Variants in ATP6V0E1 observed in about 807,000 individuals in gnomAD.
The protein encoded by ATP6V0E1 is V-type proton ATPase subunit e 1.
Under a neutral mutation model 11.6 loss-of-function variants are expected in ATP6V0E1, and 4 were observed. The ratio of observed to expected loss-of-function variants is 0.35; its 90% CI spans 0.17 to 0.79. ATP6V0E1 has a LOEUF of 0.79. ATP6V0E1 is among the 30% of genes least tolerant of loss of function. ATP6V0E1 has a pLI of 0.54. For synonymous variants in ATP6V0E1, 36 were observed against 34.8 expected (o/e 1.04, Z -0.13); for missense variants, 105 against 100.0 (o/e 1.05, Z -0.21).
intron 2 of ATP6V0E1, among the ~76,000 whole-genome samples, chr5:173,004,342 C>G (rs1395884288): frequency 1.3e-5 from 2 of 152,114 alleles, no homozygotes; most frequent in Non-Finnish European, 1.5e-5. Context: ...GTTACTAACC[C>G]CAGTCGCCAA....
chr5:172,983,975 G>A lies in ATP6V0E1; in HGVS notation c.104+11G>A. 6.2e-7 allele frequency: 1 copy of A among 1,611,428 alleles called. No individual in the cohort carries two copies. The highest frequency in any genetic ancestry group is 8.5e-7 in the Non-Finnish European group (1 of 1,179,000). On this transcript the variant is annotated intron_variant, in intron 1 of 3. Coordinates refer to ENST00000519374, the MANE Select transcript of ATP6V0E1 (RefSeq NM_003945.4). Reference sequence around the variant, plus strand: ...GGGTCCTAACCGGGGGTAAGTGCGTGAGGCCCGCCTTGGGAGGAACGGGCG... The same window carrying A: ...GGGTCCTAACCGGGGGTAAGTGCGTAAGGCCCGCCTTGGGAGGAACGGGCG...
At position 173,001,902 on chromosome 5, in the gene ATP6V0E1, G is replaced by A. The variant is rs180757021; in HGVS notation, c.152+7080G>A. 9.9e-5 allele frequency among the ~76,000 whole-genome samples: 15 copies of A among 152,192 alleles called. No individual in the cohort carries two copies. The East Asian group carries it at 2.9e-3, about 29-fold the overall frequency. ...CCTGGCTTATTTTGTGTTTTTAGTA[G>A]GGATGAGGTTTCTCCATGTTGGTCA... On this transcript the variant is annotated intron_variant, in intron 2 of 3. Transcript: ENST00000519374.
intron 2 of ATP6V0E1, among the ~76,000 whole-genome samples, chr5:173,009,164 T>C (rs949960511): frequency 3.9e-5 from 6 of 151,928 alleles, no homozygotes; most frequent in African/African-American, 1.4e-4. Context: ...AAGCAGAGGT[T>C]ATGGTGAGCC....
intron 1 of ATP6V0E1, among the ~76,000 whole-genome samples, chr5:172,984,277 C>T (rs559722222): frequency 3.9e-5 from 6 of 152,212 alleles, no homozygotes; most frequent in Non-Finnish European, 7.3e-5. Context: ...CTGGGAGAAA[C>T]TGGGGTTTGT....
At chr5:173,018,075 G>A (rs749325744) in intron 2 of ATP6V0E1, among the ~76,000 whole-genome samples, 12 of 152,008 alleles carry the variant, frequency 7.9e-5, no homozygotes, top group African/African-American at 2.4e-4. Flanking sequence ...TAGAGGTTCC[G>A]ATCCCCTGCA....
At chr5:172,999,631 T>G (rs1012711846) in intron 2 of ATP6V0E1, among the ~76,000 whole-genome samples, 2 of 152,238 alleles carry the variant, frequency 1.3e-5, no homozygotes, top group Non-Finnish European at 2.9e-5. Flanking sequence ...CCAGTCATAT[T>G]TCCACTTTCA....
intron 2 of ATP6V0E1, among the ~76,000 whole-genome samples, chr5:173,013,986 G>C (rs772360048): frequency 3.3e-5 from 5 of 151,954 alleles, no homozygotes; most frequent in Non-Finnish European, 5.9e-5. Context: ...CAACATGGTG[G>C]AACCCCATCT....
At chr5:172,990,436 C>T (rs1034226222) in intron 1 of ATP6V0E1, among the ~76,000 whole-genome samples, 8 of 152,110 alleles carry the variant, frequency 5.3e-5, no homozygotes, top group Non-Finnish European at 1.0e-4. Context: ...AAGGAAAGAG[C>T]GCAGAGATGA....
At chr5:173,029,444 C>T (rs540858124) in intron 3 of ATP6V0E1, among the ~76,000 whole-genome samples, 14 of 152,234 alleles carry the variant, frequency 9.2e-5, no homozygotes, top group South Asian at 2.1e-4. Flanking sequence ...TTGTGTCCGC[C>T]TTTCCTTTCC....
chr5:173,027,040 G>C (rs183646618), intron 3 of ATP6V0E1, among the ~76,000 whole-genome samples: 1 of 150,846 alleles, frequency 6.6e-6, no homozygotes, highest in South Asian at 2.1e-4. Flanking sequence ...TTAGCTGGGC[G>C]TGGTGGCAGA....
chr5:173,004,004 T>A (rs1756193421), intron 2 of ATP6V0E1, among the ~76,000 whole-genome samples: 1 of 152,114 alleles, frequency 6.6e-6, no homozygotes, highest in Non-Finnish European at 1.5e-5. Context: ...AGTGAAGAAT[T>A]ATGCAGCCCA....
rs750496072 is a variant in ATP6V0E1, at chr5:173,017,533, T to TAAA, written c.153-2689_153-2687dup. On this transcript the variant is annotated intron_variant, in intron 2 of 3. Coordinates refer to ENST00000519374, the MANE Select transcript of ATP6V0E1 (RefSeq NM_003945.4). The stretch of plus-strand genomic sequence containing the variant: ...TGGGTGACGAGAGTGAGACTTCGTC[T>TAAA]AAAAAAAAAAAAAAAAAAGCGATTC... Among the ~76,000 whole-genome samples, 80 of 62,820 alleles carry TAAA rather than the reference T, an allele frequency of 1.3e-3. 1 individual carries two copies. Among genetic ancestry groups the TAAA allele is most frequent in the African/African-American group, 4.2e-3 (75 of 17,830 alleles). 41.2% of individuals were successfully genotyped at this position (62,820 alleles called of 152,430 possible). A position where few individuals can be genotyped will look rare whatever the true frequency, so the allele number is the denominator to read the frequency against.
intron 2 of ATP6V0E1, among the ~76,000 whole-genome samples, chr5:173,018,010 A>G (rs1756429875): frequency 6.6e-6 from 1 of 152,104 alleles, no homozygotes; most frequent in East Asian, 1.9e-4. Flanking sequence ...ACCACTGCCC[A>G]CCAATGAAAG....
chr5:172,987,966 G>T (rs745603243), intron 1 of ATP6V0E1, among the ~76,000 whole-genome samples: 1 of 152,060 alleles, frequency 6.6e-6, no homozygotes, highest in Non-Finnish European at 1.5e-5. Context: ...TCCCACCTTG[G>T]CCTCCCAAAG....
intron 3 of ATP6V0E1, 27 bp downstream of exon 3, chr5:173,020,394 C>T: frequency 7.5e-7 from 1 of 1,332,700 alleles, no homozygotes; most frequent in Non-Finnish European, 1.1e-6. Flanking sequence ...CCTTTCTTAT[C>T]AGTATGGTCA....
At chr5:172,998,947 G>A (rs1487423320) in intron 2 of ATP6V0E1, among the ~76,000 whole-genome samples, 2 of 152,070 alleles carry the variant, frequency 1.3e-5, no homozygotes, top group African/African-American at 4.8e-5. Flanking sequence ...GAAACTCCTG[G>A]CCAACACGGT....
intron 2 of ATP6V0E1, among the ~76,000 whole-genome samples, chr5:173,017,386 T>C (rs2113604379): frequency 6.7e-6 from 1 of 150,242 alleles, no homozygotes; most frequent in African/African-American, 2.5e-5. Context: ...ATACAAAAAT[T>C]AGCCGAGTGT....
At chr5:173,020,960 G>A (rs1345573776) in intron 3 of ATP6V0E1, 2 of 517,928 alleles carry the variant, frequency 3.9e-6, no homozygotes, top group South Asian at 2.8e-5. Flanking sequence ...GAATGCTTTG[G>A]ATGGAGAAAG....
chr5:173,033,292 G>A (rs1341987932), intron 3 of ATP6V0E1, among the ~76,000 whole-genome samples: 1 of 152,050 alleles, frequency 6.6e-6, no homozygotes. Flanking sequence ...GCCCAGGCTG[G>A]CCTCAGGTGA....
Sources: allele counts gnomAD v4.1 joint callset (sites outside exome capture counted in the v4.1 genomes callset), GRCh38; gene constraint gnomAD v4.1.1; transcripts MANE v1.5; gene names NCBI Gene and HGNC (gene_info 2026-07-23, HGNC 2026-07-21).